The following SDSL variants were observed in gnomAD, a reference collection of about 807,000 sequenced individuals.
SDSL encodes the protein serine dehydratase-like.
Under a neutral mutation model 27.6 loss-of-function variants are expected in SDSL, and 26 were observed. The observed-to-expected ratio is 0.94, with a 90% CI of 0.69 to 1.31. The LOEUF is 1.31. Ranked by LOEUF, SDSL falls within the 50% of genes most tolerant of loss-of-function variation. The pLI is 0.00. For missense variants in SDSL, 431 were observed against 423.5 expected, an observed-to-expected ratio of 1.02 and a Z score of -0.16; for synonymous variants, 196 against 180.6, an observed-to-expected ratio of 1.09 and a Z score of -0.69.
At chr12:113,428,773 T>C (rs1957882717) in intron 3 of SDSL, among the ~76,000 whole-genome samples, 1 of 152,148 alleles carries the variant, frequency 6.6e-6, no homozygotes, top group Non-Finnish European at 1.5e-5. Flanking sequence ...CTCTGGACTT[T>C]GCTTTCCTGC....
At position 113,435,244 on chromosome 12, in the gene SDSL, C is replaced by G. The variant is rs879497785; in HGVS notation, c.444-85C>G. The G allele has an allele frequency of 4.0e-5, 36 of 905,798 alleles. No homozygotes were observed. The Admixed American group carries it at 1.1e-3, about 27-fold the overall frequency. The allele number at this position is 905,798 out of a possible 1,614,324, so 56.1% of individuals were successfully genotyped here. A position where few individuals can be genotyped will look rare whatever the true frequency, so the allele number is the denominator to read the frequency against. On this transcript the variant is annotated intron_variant, in intron 5 of 7. Coordinates refer to ENST00000403593, the MANE Select transcript of SDSL (RefSeq NM_001304993.2). ...TGTATATGAGGGGGCAGAGAACCCA[C>G]CCCTGGTAAATTCCCCCACCACAGG... is the stretch of plus-strand genomic sequence containing the variant.
intron 4 of SDSL, 90 bp from the exon 5 acceptor site, chr12:113,434,044 T>C: frequency 9.2e-7 from 1 of 1,087,628 alleles, no homozygotes; most frequent in South Asian, 1.5e-5. Context: ...TACTAGATCC[T>C]GGGGCCACCA....
Position 113,428,464 on chromosome 12 carries a change from C to A in SDSL, c.214+5C>A. 2.5e-6 allele frequency: 4 copies of A among 1,611,114 alleles called. No homozygotes were observed. In the South Asian group the frequency reaches 3.3e-5, roughly 13 times the overall value. On this transcript the variant is annotated splice_donor_5th_base_variant and intron_variant, in intron 3 of 7. Transcript: ENST00000403593. ...GACACCTGGTGTGCTCCTCAGGTGA[C>A]CCCACCTTTTTTTGTTTCATGGGCA...
intron 2 of SDSL, 59 bp downstream of exon 2, chr12:113,428,215 A>G: frequency 1.4e-6 from 2 of 1,426,458 alleles, no homozygotes; most frequent in Non-Finnish European, 1.9e-6. Context: ...GGGAAGAGTG[A>G]GGGGTGTGGG....
chr12:113,427,669 G>A (rs1000725524), intron 1 of SDSL, among the ~76,000 whole-genome samples: 3 of 152,208 alleles, frequency 2.0e-5, no homozygotes, highest in Admixed American at 2.0e-4. Flanking sequence ...TTTTGACTGA[G>A]GAATGAATTC....
intron 1 of SDSL, chr12:113,425,849 C>A: frequency 2.5e-6 from 1 of 396,450 alleles, no homozygotes. Flanking sequence ...ATTAATCAGG[C>A]GTGGTGACGT....
chr12:113,432,098 C>G (rs1369446395), intron 4 of SDSL, among the ~76,000 whole-genome samples: 1 of 151,956 alleles, frequency 6.6e-6, no homozygotes, highest in Non-Finnish European at 1.5e-5. Context: ...ACCATGTTGG[C>G]CAGGCTGGTC....
In SDSL at chr12:113,438,133, T is replaced by C; in HGVS notation, c.*54T>C. The stretch of plus-strand genomic sequence containing the variant: ...TGAGAGGCCCATGGACAGTCCTGTG[T>C]CTGGATGAGGAGGACTCAGTGCTGG... On this transcript the variant is annotated 3_prime_UTR_variant, in exon 8 of 8. Transcript: ENST00000403593. The C allele has an allele frequency of 1.4e-6, 2 of 1,457,888 alleles. No individual in the cohort carries two copies. The highest frequency in any genetic ancestry group is 1.9e-6 in the Non-Finnish European group (2 of 1,065,566). 90.3% of individuals were successfully genotyped at this position (1,457,888 alleles called of 1,614,324 possible).
At chr12:113,425,218 C>T (rs1217569044) in intron 1 of SDSL, among the ~76,000 whole-genome samples, 1 of 152,114 alleles carries the variant, frequency 6.6e-6, no homozygotes, top group African/African-American at 2.4e-5. Context: ...CTCTTGGGGT[C>T]CAGGGTTGAG....
chr12:113,433,317 C>A (rs1420258862), intron 4 of SDSL, among the ~76,000 whole-genome samples: 1 of 152,134 alleles, frequency 6.6e-6, no homozygotes, highest in African/African-American at 2.4e-5. Context: ...AGTTCTGCCC[C>A]CCTTGTGACC....
Position 113,429,221 on chromosome 12 carries a change from C to T in SDSL, c.276C>T (p.Ile92=), listed in dbSNP as rs61729438. The T allele has an allele frequency of 9.4e-4, 1,510 of 1,613,844 alleles. 11 individuals are homozygous for T. The African/African-American group carries it at 0.017, about 18-fold the overall frequency. ...AARKLGIPAT[I]VLPESTSLQV... ...GGAAGCTGGGCATTCCTGCCACCAT[C>T]GTGCTCCCCGAGAGCACCTCCCTGC... The change falls in exon 4 of 8, where the codon ATC becomes ATT. Residue 92 remains isoleucine, a synonymous_variant. Coordinates refer to ENST00000403593, the MANE Select transcript of SDSL (RefSeq NM_001304993.2).
intron 1 of SDSL, chr12:113,425,664 C>CTTT (rs1565876506): frequency 2.2e-6 from 1 of 455,804 alleles, no homozygotes; most frequent in East Asian, 7.0e-5. Context: ...TCGTCCTTAC[C>CTTT]CACTGGTCCA....
intron 4 of SDSL, among the ~76,000 whole-genome samples, chr12:113,430,006 C>G (rs1250917867): frequency 7.5e-6 from 1 of 133,066 alleles, no homozygotes; most frequent in African/African-American, 2.7e-5. Context: ...TCCTTCCTTT[C>G]TTCATTCTTT....
rs768859227 is a variant in SDSL, at chr12:113,428,140, G to A, written c.158G>A (p.Gly53Glu). ...GGCTCCTTCAAGATTCGGGGCATTG[G>A]GCATTTCTGCCAGGAGGTGAGGGTG... Reference protein sequence around the residue: ...PSGSFKIRGIGHFCQEMAKKG... With the variant: ...PSGSFKIRGIEHFCQEMAKKG... The change falls in exon 2 of 8, where the codon GGG (glycine) becomes GAG (glutamate). Residue 53 changes from glycine (G) to glutamate (E), a missense_variant. Transcript: ENST00000403593. 11 of 1,611,690 alleles carry A rather than the reference G, an allele frequency of 6.8e-6. No individual in the cohort carries two copies. The South Asian group carries it at 1.2e-4, about 18-fold the overall frequency.
chr12:113,429,020 C>A, intron 3 of SDSL, 140 bp from the exon 4 acceptor site: 2 of 967,616 alleles, frequency 2.1e-6, no homozygotes, highest in Non-Finnish European at 3.0e-6. Flanking sequence ...TTATGTGTCC[C>A]CCTCTTGAGT....
In SDSL at chr12:113,428,114, C is replaced by A. The variant is rs144727433; in HGVS notation, c.132C>A (p.Ser44Arg). 15 of 1,613,324 alleles carry A rather than the reference C, an allele frequency of 9.3e-6. No homozygotes were observed. The African/African-American group carries it at 1.7e-4, about 19-fold the overall frequency. ...TCAAGTGTGAGAATGTGCAGCCCAG[C>A]GGCTCCTTCAAGATTCGGGGCATTG... ...VFLKCENVQP[S>R]GSFKIRGIGH... Residue 44 changes from serine (S) to arginine (R), a missense_variant, in exon 2 of 8, where the codon AGC becomes AGA. By Grantham distance (110) the Ser-to-Arg change is moderately radical. Transcript: ENST00000403593.
chr12:113,424,529 T>C (rs898290530), intron 1 of SDSL, among the ~76,000 whole-genome samples: 1 of 152,224 alleles, frequency 6.6e-6, no homozygotes, highest in African/African-American at 2.4e-5. Context: ...CCAAGGTTGA[T>C]GTCTATCTTG....
rs1957981486 is a variant in SDSL, at chr12:113,435,593, G to A, written c.671+37G>A. 1.9e-6 allele frequency: 3 copies of A among 1,559,712 alleles called. No individual in the cohort carries two copies. The East Asian group carries it at 6.7e-5, about 35-fold the overall frequency. On this transcript the variant is annotated intron_variant, in intron 6 of 7. Coordinates refer to ENST00000403593, the MANE Select transcript of SDSL (RefSeq NM_001304993.2). The stretch of plus-strand genomic sequence containing the variant: ...CTGGGGACATTTGTAGGGGCTGGAG[G>A]GTGGGTGTGCCACTGTCCTAGGGCC...
intron 4 of SDSL, among the ~76,000 whole-genome samples, chr12:113,430,749 A>G (rs776791231): frequency 2.0e-5 from 3 of 152,208 alleles, no homozygotes; most frequent in Non-Finnish European, 4.4e-5. Context: ...GCAAAGCCAC[A>G]TGGCAAAAAT....
Sources: gnomAD v4.1 joint callset for allele counts (sites outside exome capture counted in the v4.1 genomes callset) on GRCh38, gnomAD v4.1.1 for gene constraint, MANE v1.5 for transcripts, NCBI Gene and HGNC (gene_info 2026-07-23, HGNC 2026-07-21) for gene names.